Variants in LIPJ observed in about 807,000 individuals in gnomAD.
LIPJ encodes the protein lipase family member J.
LIPJ carries 33 observed loss-of-function variants against 39.8 expected under a neutral mutation model. That is an observed-to-expected ratio of 0.83 (90% confidence interval 0.63 to 1.11). The LOEUF (loss-of-function observed/expected upper bound fraction) is 1.11, where lower values mean the gene tolerates loss of function less well. Ranked by LOEUF, LIPJ falls within the 50% of genes least tolerant of loss-of-function variation. The pLI is 0.00. For missense variants in LIPJ, 422 were observed against 427.9 expected (o/e 0.99, Z 0.12); for synonymous variants, 128 against 139.2 (o/e 0.92, Z 0.57).
At chr10:88,606,210 T>TAG (rs759392566) in intron 10 of LIPJ, among the ~76,000 whole-genome samples, 2 of 152,148 alleles carry the variant, frequency 1.3e-5, no homozygotes, top group Non-Finnish European at 2.9e-5. Flanking sequence ...CCTCCATACT[T>TAG]TTCTGTCTCA....
At chr10:88,610,256 G>A (rs1851732578), downstream of LIPJ, among the ~76,000 whole-genome samples, 1 of 152,158 alleles carries the variant, frequency 6.6e-6, no homozygotes, top group Non-Finnish European at 1.5e-5. Context: ...CTGGCAGAAA[G>A]TTAAATTATC....
At chr10:88,607,403 C>A (rs1851697493), downstream of LIPJ, among the ~76,000 whole-genome samples, 1 of 152,100 alleles carries the variant, frequency 6.6e-6, no homozygotes, top group Non-Finnish European at 1.5e-5. Flanking sequence ...GTGATTATTT[C>A]AGGCAAAGTC....
intron 6 of LIPJ, 83 bp from the exon 7 acceptor site, chr10:88,596,197 C>T: frequency 6.5e-6 from 6 of 922,846 alleles, no homozygotes; most frequent in Non-Finnish European, 8.9e-6. Flanking sequence ...TTTGAACTTA[C>T]TCTTATTCTC....
chr10:88,608,881 C>G (rs1048156860), downstream of LIPJ, among the ~76,000 whole-genome samples: 3 of 152,200 alleles, frequency 2.0e-5, no homozygotes, highest in South Asian at 2.1e-4. Flanking sequence ...AGGAAACATC[C>G]TCTTTATTTG....
rs113890337 is a variant in LIPJ, at chr10:88,599,760, T to C, written c.724-2816T>C. ...TCTGATGAGTCAATTTTTATGGTTTTTTTTGTTCTTATTGTTCCTCAAAGA... is the reference window on the plus strand; with the variant it reads ...TCTGATGAGTCAATTTTTATGGTTTCTTTTGTTCTTATTGTTCCTCAAAGA... On this transcript the variant is annotated intron_variant, in intron 8 of 10. Transcript: ENST00000371939. 2.2e-3 allele frequency among the ~76,000 whole-genome samples: 327 copies of C among 151,836 alleles called. 1 individual carries two copies. The highest frequency in any genetic ancestry group is 7.4e-3 in the African/African-American group (306 of 41,514).
intron 8 of LIPJ, 33 bp from the exon 9 acceptor site, chr10:88,602,542 TA>T: frequency 6.8e-7 from 1 of 1,478,446 alleles, no homozygotes; most frequent in Non-Finnish European, 9.2e-7. Flanking sequence ...TCAACTTATA[TA>T]AAAATGCTTT....
chr10:88,588,281 CAAGTT>C (rs1850974734), intron 2 of LIPJ, among the ~76,000 whole-genome samples: 1 of 151,662 alleles, frequency 6.6e-6, no homozygotes, highest in South Asian at 2.1e-4. Flanking sequence ...TCTATCTCTC[CAAGTT>C]AAGTATATTT....
At chr10:88,616,619 A>G in the LIPJ span, among the ~76,000 whole-genome samples, 1 of 152,222 alleles carries the variant, frequency 6.6e-6, no homozygotes, top group Non-Finnish European at 1.5e-5. Context: ...CGCCTACAGA[A>G]GAAGTGGACG....
At chr10:88,617,734 T>C in the LIPJ span, among the ~76,000 whole-genome samples, 1 of 152,232 alleles carries the variant, frequency 6.6e-6, no homozygotes, top group East Asian at 1.9e-4. Context: ...TTGCAAGAAG[T>C]TCTGGAAGCT....
chr10:88,619,511 A>G, the LIPJ span, among the ~76,000 whole-genome samples: 3 of 141,214 alleles, frequency 2.1e-5, no homozygotes, highest in Admixed American at 7.3e-5. Flanking sequence ...TTGATCCCTA[A>G]GAATTGGTTA....
rs187924698 is a variant in LIPJ at position 88,596,700 on chromosome 10, A to C, written c.577-90A>C. The C allele has an allele frequency of 1.7e-3, 2,008 of 1,171,326 alleles. 8 individuals are homozygous for C. Among genetic ancestry groups the C allele is most frequent in the Non-Finnish European group, 2.2e-3 (1,811 of 819,946 alleles). The allele number at this position is 1,171,326 out of a possible 1,614,324, so 72.6% of individuals were successfully genotyped here. The stretch of plus-strand genomic sequence containing the variant: ...TTTTCAAACTACTGTGAGATAATTT[A>C]TTTGGTTTTATAGATAGTGAATTAC... On this transcript the variant is annotated intron_variant, in intron 7 of 10. Coordinates refer to ENST00000371939, the Ensembl canonical transcript of LIPJ.
At chr10:88,613,826 A>ATG in the LIPJ span, among the ~76,000 whole-genome samples, 1 of 80,706 alleles carries the variant, frequency 1.2e-5, no homozygotes, top group African/African-American at 4.8e-5. Context: ...GTATATATAT[A>ATG]TATGTGTGTA....
chr10:88,614,995 C>T, the LIPJ span, among the ~76,000 whole-genome samples: 1 of 152,114 alleles, frequency 6.6e-6, no homozygotes, highest in Non-Finnish European at 1.5e-5. Context: ...TATCTTATAT[C>T]CTGTTTTGTA....
the LIPJ span, chr10:88,618,641 T>A: frequency 5.2e-5 from 8 of 153,006 alleles, no homozygotes; most frequent in African/African-American, 1.9e-4. Flanking sequence ...CCTTTTGGAC[T>A]CACACCATTG....
At chr10:88,615,262 A>G in the LIPJ span, among the ~76,000 whole-genome samples, 123,211 of 152,122 alleles carry the variant, frequency 0.81, 50,696 homozygotes, top group East Asian at 0.99. Flanking sequence ...TTTAGAAATG[A>G]GCAAAAGACT....
At chr10:88,603,775 G>T (rs1851572301) in intron 9 of LIPJ, among the ~76,000 whole-genome samples, 2 of 151,978 alleles carry the variant, frequency 1.3e-5, no homozygotes, top group Admixed American at 6.5e-5. Flanking sequence ...ATTGGGTAAG[G>T]CTTTTTCATT....
In LIPJ at chr10:88,605,733, C is replaced by A. The variant is rs768780559; in HGVS notation, c.867+29C>A. 5.0e-5 allele frequency: 72 copies of A among 1,449,242 alleles called. 1 individual carries two copies. The highest frequency in any genetic ancestry group is 6.3e-5 in the Non-Finnish European group (65 of 1,033,218). The allele number at this position is 1,449,242 out of a possible 1,614,324, so 89.8% of individuals were successfully genotyped here. A position where few individuals can be genotyped will look rare whatever the true frequency, so the allele number is the denominator to read the frequency against. ...CATAATTCTCTATAAAAACTCTCTA[C>A]CTTACTGACTTTTTCAGATAACTTT... On this transcript the variant is annotated intron_variant, in intron 10 of 10. Transcript: ENST00000371939.
intron 8 of LIPJ, among the ~76,000 whole-genome samples, chr10:88,599,918 G>T (rs970603154): frequency 6.6e-6 from 1 of 151,562 alleles, no homozygotes; most frequent in African/African-American, 2.4e-5. Flanking sequence ...TAGATTTATG[G>T]CTATCATCCT....
At chr10:88,615,710 A>G in the LIPJ span, among the ~76,000 whole-genome samples, 1 of 152,130 alleles carries the variant, frequency 6.6e-6, no homozygotes, top group African/African-American at 2.4e-5. Context: ...GATTGACAAT[A>G]CAAACTTGGT....
Sources: allele counts gnomAD v4.1 joint callset (sites outside exome capture counted in the v4.1 genomes callset), GRCh38; gene constraint gnomAD v4.1.1; transcripts MANE v1.5; gene names NCBI Gene and HGNC (gene_info 2026-07-23, HGNC 2026-07-21).